The following PLOD1 variants were observed in gnomAD, a reference collection of about 807,000 sequenced individuals.
The protein encoded by PLOD1 is lysine hydroxylase.
PLOD1 carries 70 observed loss-of-function variants against 94.7 expected under a neutral mutation model. The ratio of observed to expected loss-of-function variants is 0.74; its 90% CI spans 0.61 to 0.90. The LOEUF (loss-of-function observed/expected upper bound fraction) is 0.90. PLOD1 is among the 40% of genes least tolerant of loss of function. PLOD1 has a pLI of 0.00. For missense variants in PLOD1, 905 were observed against 972.7 expected, an observed-to-expected ratio of 0.93 and a Z score of 0.93; for synonymous variants, 417 against 400.2, an observed-to-expected ratio of 1.04 and a Z score of -0.50.
Position 11,964,243 on chromosome 1 carries a change from C to T in PLOD1, c.1271C>T (p.Ala424Val). ...TCGAACTTCTGGGGGGCTCTCAGTG[C>T]AGATGGCTACTATGCCCGTTCCGAG... ...LWSNFWGALS[A>V]DGYYARSEDY... is the part of the protein sequence containing the mutation. The change falls in exon 12 of 19, where the codon GCA (alanine) becomes GTA (valine). Residue 424 changes from alanine to valine, a missense_variant. By Grantham distance (64) the Ala-to-Val change is moderately conservative. Coordinates refer to ENST00000196061, the MANE Select transcript of PLOD1 (RefSeq NM_000302.4). 6.3e-7 allele frequency: 1 copy of T among 1,596,690 alleles called. No individual in the cohort carries two copies. The highest frequency in any genetic ancestry group is 8.5e-7 in the Non-Finnish European group (1 of 1,170,612).
intron 5 of PLOD1, among the ~76,000 whole-genome samples, 179 bp downstream of exon 5, chr1:11,952,914 C>A (rs781279902): frequency 5.6e-4 from 85 of 152,132 alleles, no homozygotes; most frequent in Non-Finnish European, 9.6e-4. Context: ...TCTCATGGTT[C>A]TGGAGGCCGG....
intron 2 of PLOD1, 52 bp downstream of exon 2, chr1:11,948,119 T>A: frequency 8.2e-7 from 1 of 1,220,708 alleles, no homozygotes; most frequent in Non-Finnish European, 1.2e-6. Flanking sequence ...CAGGAGGATC[T>A]AGGAGCTAGT....
Position 11,967,077 on chromosome 1 carries a change from C to T in PLOD1, c.1741C>T (p.Leu581=), listed in dbSNP as rs759328881. The change falls in exon 16 of 19, where the codon CTG becomes TTG. Residue 581 remains leucine (L), a synonymous_variant. Transcript: ENST00000196061. ...EEMEHFGQWS[L]GNNKDNRIQG... ...GATGGAGCACTTTGGCCAGTGGTCTCTGGGCAACAACAAGGTGGGACCCTG... is the reference window on the plus strand; with the variant it reads ...GATGGAGCACTTTGGCCAGTGGTCTTTGGGCAACAACAAGGTGGGACCCTG... The T allele has an allele frequency of 6.2e-7, 1 of 1,610,768 alleles. No homozygotes were observed. The highest frequency in any genetic ancestry group is 1.1e-5 in the South Asian group (1 of 91,008).
chr1:11,972,650 C>G lies in PLOD1; in HGVS notation c.1903-222C>G. The G allele has an allele frequency of 2.1e-6, 1 of 481,654 alleles. No individual in the cohort carries two copies. The highest frequency in any genetic ancestry group is 3.8e-6 in the Non-Finnish European group (1 of 260,792). The allele number at this position is 481,654 out of a possible 1,614,324, so 29.8% of individuals were successfully genotyped here. ...TCCTTTCTTCCTTCCCCTCTGTTCT[C>G]TTCCTTCCCTCCCTCTCTCCCCTCT... is the stretch of plus-strand genomic sequence containing the variant. On this transcript the variant is annotated intron_variant, in intron 17 of 18. Coordinates refer to ENST00000196061, the MANE Select transcript of PLOD1 (RefSeq NM_000302.4). This position sits in a 1 kb window ranked among gnomAD's most constrained non-coding sequence, Gnocchi z 4.6.
chr1:11,943,620 C>T (rs1314276647), intron 1 of PLOD1, among the ~76,000 whole-genome samples: 1 of 152,088 alleles, frequency 6.6e-6, no homozygotes, highest in Non-Finnish European at 1.5e-5. Context: ...GTTAAGGTCC[C>T]AGTGTGGGCT....
intron 1 of PLOD1, among the ~76,000 whole-genome samples, chr1:11,943,349 T>C (rs550507085): frequency 6.0e-4 from 91 of 151,410 alleles, no homozygotes; most frequent in Non-Finnish European, 1.2e-3. Context: ...CAGGCCGGAC[T>C]GCAATGGCAC....
In PLOD1 at chr1:11,934,746, G is replaced by A. The variant is rs2100729587; in HGVS notation, c.-34G>A. The A allele has an allele frequency of 1.3e-6, 2 of 1,521,012 alleles. No homozygotes were observed. The highest frequency in any genetic ancestry group is 2.6e-5 in the East Asian group (1 of 38,458). The allele number at this position is 1,521,012 out of a possible 1,614,324, so 94.2% of individuals were successfully genotyped here. On this transcript the variant is annotated 5_prime_UTR_variant, in exon 1 of 19. Coordinates refer to ENST00000196061, the MANE Select transcript of PLOD1 (RefSeq NM_000302.4). ...CGAAGTTTCCAGCCCTGCGAGCGCC[G>A]CCGGGTCGGCCGATCGTCCCCCATA...
intron 14 of PLOD1, 75 bp from the exon 15 acceptor site, chr1:11,966,176 T>C (rs1645815925): frequency 8.3e-6 from 9 of 1,084,716 alleles, no homozygotes; most frequent in Non-Finnish European, 1.3e-5. Context: ...ACTCCCACTT[T>C]GAGGGGTCTG....
chr1:11,969,398 A>G (rs1645845243), intron 16 of PLOD1, among the ~76,000 whole-genome samples: 1 of 152,180 alleles, frequency 6.6e-6, no homozygotes, highest in Non-Finnish European at 1.5e-5. Flanking sequence ...TGGCAACTGG[A>G]CTAACCTGAA....
intron 5 of PLOD1, 71 bp downstream of exon 5, chr1:11,952,806 C>T: frequency 3.7e-6 from 4 of 1,082,584 alleles, no homozygotes; most frequent in Non-Finnish European, 5.7e-6. Context: ...GGAACAGCTC[C>T]TCTCAGGCCT....
chr1:11,937,754 G>A (rs1195236227), intron 1 of PLOD1, among the ~76,000 whole-genome samples: 1 of 152,068 alleles, frequency 6.6e-6, no homozygotes, highest in East Asian at 1.9e-4. Flanking sequence ...CGGAGGACAG[G>A]ATCAGTGTGC....
Position 11,964,227 on chromosome 1 carries a change from TG to T in PLOD1, c.1261del (p.Ala421LeufsTer36), listed in dbSNP as rs1362343873. 2 of 1,433,444 alleles carry T rather than the reference TG, an allele frequency of 1.4e-6. No individual in the cohort carries two copies. Among genetic ancestry groups the T allele is most frequent in the African/African-American group, 3.1e-5 (2 of 65,104 alleles). 88.8% of individuals were successfully genotyped at this position (1,433,444 alleles called of 1,614,324 possible). Reference protein sequence around the residue: ...TRHGRLWSNFWGALSADGYYA... With the variant: ...TRHGRLWSNFXGALSADGYYA... ...GCATGGGAGGCTGTGGTCGAACTTC[TG>T]GGGGGCTCTCAGTGCAGATGGCTAC... is the stretch of plus-strand genomic sequence containing the variant. On this transcript the variant is annotated frameshift_variant, in exon 12 of 19. Coordinates refer to ENST00000196061, the MANE Select transcript of PLOD1 (RefSeq NM_000302.4). LOFTEE classifies it high-confidence loss of function.
chr1:11,958,218 C>T lies in PLOD1; in HGVS notation c.843+275C>T, dbSNP rs1645752808. Among the ~76,000 whole-genome samples the T allele has an allele frequency of 1.3e-5, 2 of 152,014 alleles. No homozygotes were observed. The highest frequency in any genetic ancestry group is 1.3e-4 in the Admixed American group (2 of 15,264). On this transcript the variant is annotated intron_variant, in intron 8 of 18. Transcript: ENST00000196061. The surrounding 1 kb of genome is among the most constrained non-coding windows in gnomAD (Gnocchi z 4.3). Reference sequence around the variant, plus strand: ...TGCAGCCCCCTCCCCATCCCATGAACCTCATCCTCATTTATGACTCACCTC... The same window carrying T: ...TGCAGCCCCCTCCCCATCCCATGAATCTCATCCTCATTTATGACTCACCTC...
chr1:11,967,607 A>ATATATATG (rs1199190451), intron 16 of PLOD1, among the ~76,000 whole-genome samples: 1 of 124,356 alleles, frequency 8.0e-6, no homozygotes, highest in African/African-American at 3.1e-5. Flanking sequence ...GTATATATAT[A>ATATATATG]TATATATAAA....
intron 13 of PLOD1, 137 bp downstream of exon 13, chr1:11,964,922 G>A (rs995614694): frequency 1.4e-5 from 13 of 955,940 alleles, no homozygotes; most frequent in Middle Eastern, 3.2e-4. Context: ...AGGGCATCTC[G>A]GAAGCCACCA....
intron 16 of PLOD1, among the ~76,000 whole-genome samples, chr1:11,969,189 G>A (rs960419624): frequency 4.0e-5 from 6 of 151,646 alleles, no homozygotes; most frequent in South Asian, 2.1e-4. Flanking sequence ...GGGTTTCACC[G>A]TGTTTGTGAG....
In PLOD1 at chr1:11,974,929, C is replaced by A; in HGVS notation, c.*121C>A. On this transcript the variant is annotated 3_prime_UTR_variant, in exon 19 of 19. Coordinates refer to ENST00000196061, the MANE Select transcript of PLOD1 (RefSeq NM_000302.4). ...CCTCCTGGCTGTTGACTTCCCATTG[C>A]TCTTGGAGCCACCAATCAAAGAGAT... 1.1e-6 allele frequency: 1 copy of A among 916,824 alleles called. No individual in the cohort carries two copies. The highest frequency in any genetic ancestry group is 1.8e-6 in the Non-Finnish European group (1 of 546,374). 56.8% of individuals were successfully genotyped at this position (916,824 alleles called of 1,614,324 possible).
rs1645895727 is a variant in PLOD1 at position 11,975,204 on chromosome 1, G to T, written c.*396G>T. The T allele has an allele frequency of 3.2e-6, 1 of 316,558 alleles. No homozygotes were observed. The highest frequency in any genetic ancestry group is 2.1e-5 in the African/African-American group (1 of 46,534). 19.6% of individuals were successfully genotyped at this position (316,558 alleles called of 1,614,324 possible). Reference sequence around the variant, plus strand: ...GTCTGGGTGAGAAGCCATGGCCAGAGCTTCTCCCAGGCACAGGTGTTGCAC... The same window carrying T: ...GTCTGGGTGAGAAGCCATGGCCAGATCTTCTCCCAGGCACAGGTGTTGCAC... On this transcript the variant is annotated 3_prime_UTR_variant, in exon 19 of 19. Coordinates refer to ENST00000196061, the MANE Select transcript of PLOD1 (RefSeq NM_000302.4).
intron 10 of PLOD1, 41 bp downstream of exon 10, chr1:11,960,808 C>A (rs769707466): frequency 6.2e-7 from 1 of 1,609,852 alleles, no homozygotes; most frequent in South Asian, 1.1e-5. Context: ...ACAGTGGGGG[C>A]AGGGGAGCTG....
Sources: allele counts gnomAD v4.1 joint callset (sites outside exome capture counted in the v4.1 genomes callset), GRCh38; gene constraint gnomAD v4.1.1; non-coding constraint Gnocchi (gnomAD v3.1); transcripts MANE v1.5; gene names NCBI Gene and HGNC (gene_info 2026-07-23, HGNC 2026-07-21).